Variants in IQCM observed in about 807,000 individuals in gnomAD.
IQCM encodes IQ domain-containing protein M.
IQCM carries 45 observed loss-of-function variants against 57.6 expected under a neutral mutation model. The observed-to-expected ratio is 0.78, with a 90% CI of 0.62 to 1.00. The LOEUF is 1.00. IQCM is among the 50% of genes least tolerant of loss of function. IQCM has a pLI of 0.00. For missense variants in IQCM, 468 were observed against 511.6 expected, an observed-to-expected ratio of 0.91 and a Z score of 0.82; for synonymous variants, 148 against 158.9, an observed-to-expected ratio of 0.93 and a Z score of 0.51.
intron 12 of IQCM, among the ~76,000 whole-genome samples, chr4:149,457,337 A>G (rs1299642003): frequency 6.6e-6 from 1 of 152,062 alleles, no homozygotes; most frequent in Non-Finnish European, 1.5e-5. Context: ...CTCAATACTT[A>G]GTGACAGCTA....
intron 13 of IQCM, among the ~76,000 whole-genome samples, chr4:149,411,019 G>T (rs1733348320): frequency 1.3e-5 from 2 of 152,082 alleles, no homozygotes; most frequent in Non-Finnish European, 2.9e-5. Flanking sequence ...GTTTCTAAAA[G>T]CTAAGAGTTG....
chr4:149,761,701 G>A (rs562351409), intron 2 of IQCM, among the ~76,000 whole-genome samples: 4 of 152,098 alleles, frequency 2.6e-5, no homozygotes, highest in South Asian at 4.1e-4. Flanking sequence ...TAGTTCCTAC[G>A]AAGAGTCTCT....
intron 9 of IQCM, among the ~76,000 whole-genome samples, chr4:149,572,438 C>T (rs1751246024): frequency 6.6e-6 from 1 of 151,932 alleles, no homozygotes; most frequent in African/African-American, 2.4e-5. Context: ...AGGTATGCAT[C>T]ACTAAGCCTG....
chr4:149,389,322 T>G (rs1348935364), intron 13 of IQCM, among the ~76,000 whole-genome samples: 1 of 152,050 alleles, frequency 6.6e-6, no homozygotes, highest in Non-Finnish European at 1.5e-5. Flanking sequence ...TTCTGGGCTC[T>G]TAATCCCATT....
intron 12 of IQCM, among the ~76,000 whole-genome samples, chr4:149,459,904 A>G (rs990313724): frequency 3.3e-5 from 5 of 152,208 alleles, no homozygotes; most frequent in African/African-American, 1.2e-4. Context: ...CCTTTTTAAG[A>G]CCATGCTTTC....
intron 2 of IQCM, among the ~76,000 whole-genome samples, chr4:149,799,334 A>C (rs930738006): frequency 6.6e-6 from 1 of 151,838 alleles, no homozygotes; most frequent in African/African-American, 2.4e-5. Flanking sequence ...CCCATGGGAT[A>C]CAGCAGAAAA....
chr4:149,559,077 T>C (rs1056822972), intron 10 of IQCM, among the ~76,000 whole-genome samples: 2 of 152,148 alleles, frequency 1.3e-5, no homozygotes, highest in Non-Finnish European at 2.9e-5. Context: ...GGAATCATTC[T>C]TGACTCCACC....
At chr4:149,606,650 A>G (rs936102893) in intron 8 of IQCM, among the ~76,000 whole-genome samples, 4 of 152,174 alleles carry the variant, frequency 2.6e-5, no homozygotes, top group East Asian at 1.9e-4. Flanking sequence ...AGGAAGCTCA[A>G]TGAACTTCAA....
chr4:149,525,316 A>C (rs1031996321), intron 12 of IQCM, among the ~76,000 whole-genome samples: 1 of 151,956 alleles, frequency 6.6e-6, no homozygotes, highest in African/African-American at 2.4e-5. Context: ...AGTCACTACA[A>C]TGCCAGCAAA....
At chr4:149,385,893 T>C (rs1731390024) in intron 13 of IQCM, among the ~76,000 whole-genome samples, 1 of 152,152 alleles carries the variant, frequency 6.6e-6, no homozygotes, top group African/African-American at 2.4e-5. Context: ...TACTAAATGC[T>C]TAATAAATAC....
At chr4:149,768,749 C>CT (rs1437648881) in intron 2 of IQCM, among the ~76,000 whole-genome samples, 2 of 152,034 alleles carry the variant, frequency 1.3e-5, no homozygotes, top group Admixed American at 6.6e-5. Flanking sequence ...GGAAAATACT[C>CT]TGAGACACGG....
chr4:149,556,652 G>A (rs1416386780), intron 10 of IQCM, among the ~76,000 whole-genome samples: 1 of 152,106 alleles, frequency 6.6e-6, no homozygotes, highest in African/African-American at 2.4e-5. Flanking sequence ...TATACACAGT[G>A]AAATAAAAAT....
chr4:149,400,634 C>T (rs984430290), intron 13 of IQCM, among the ~76,000 whole-genome samples: 1 of 151,848 alleles, frequency 6.6e-6, no homozygotes, highest in South Asian at 2.1e-4. Flanking sequence ...CAGGTTAATA[C>T]CACCAGCCCT....
chr4:149,530,558 A>G (rs1746626515), intron 12 of IQCM, among the ~76,000 whole-genome samples: 1 of 152,180 alleles, frequency 6.6e-6, no homozygotes, highest in Non-Finnish European at 1.5e-5. Context: ...AGACAGTATC[A>G]TGGCAAAGGG....
intron 13 of IQCM, among the ~76,000 whole-genome samples, chr4:149,386,755 A>C (rs1731456324): frequency 6.6e-6 from 1 of 151,908 alleles, no homozygotes; most frequent in Non-Finnish European, 1.5e-5. Flanking sequence ...CATTGACTTC[A>C]AGAAATTGGG....
intron 3 of IQCM, among the ~76,000 whole-genome samples, chr4:149,741,377 G>C (rs970414800): frequency 1.3e-5 from 2 of 152,120 alleles, no homozygotes; most frequent in Admixed American, 6.6e-5. Context: ...ATATTTCTCA[G>C]ACAGTGGTCA....
intron 12 of IQCM, among the ~76,000 whole-genome samples, chr4:149,437,784 G>T (rs1258561795): frequency 6.6e-6 from 1 of 152,110 alleles, no homozygotes; most frequent in Non-Finnish European, 1.5e-5. Flanking sequence ...AGCATCTATT[G>T]TCGCAACTGT....
intron 7 of IQCM, among the ~76,000 whole-genome samples, chr4:149,648,663 C>A (rs11099738): frequency 0.022 from 3,398 of 152,152 alleles, 101 homozygotes; most frequent in South Asian, 0.15. Context: ...AAACCAAACA[C>A]CGCATGTTCT....
At chr4:149,784,379 C>G (rs762986853) in intron 2 of IQCM, among the ~76,000 whole-genome samples, 1 of 152,200 alleles carries the variant, frequency 6.6e-6, no homozygotes, top group African/African-American at 2.4e-5. Context: ...CCCTCACCTT[C>G]TTTAGATCCT....
Sources: gnomAD v4.1 joint callset for allele counts (sites outside exome capture counted in the v4.1 genomes callset) on GRCh38, gnomAD v4.1.1 for gene constraint, MANE v1.5 for transcripts, NCBI Gene and HGNC (gene_info 2026-07-23, HGNC 2026-07-21) for gene names.